The following CFAP251 variants were observed in gnomAD, a reference collection of about 807,000 sequenced individuals.
CFAP251 encodes cilia and flagella associated protein 251.
Under a neutral mutation model 126.7 loss-of-function variants are expected in CFAP251, and 93 were observed. That is an observed-to-expected ratio of 0.73 (90% CI 0.62 to 0.87). CFAP251 has a LOEUF of 0.87. Among genes scored for constraint, CFAP251 ranks in the 40% least tolerant of loss-of-function variants. The pLI, the probability that CFAP251 is intolerant of heterozygous loss-of-function variation, is 0.00. For missense variants in CFAP251, 1,287 were observed against 1,389.2 expected (o/e 0.93, Z 1.17); for synonymous variants, 503 against 506.9 (o/e 0.99, Z 0.10).
chr12:121,972,777 C>T (rs569177059), intron 17 of CFAP251, among the ~76,000 whole-genome samples: 147 of 152,306 alleles, frequency 9.7e-4, no homozygotes, highest in African/African-American at 3.3e-3. Flanking sequence ...CATGAGCTAC[C>T]GCGCCTGGCC....
Position 122,001,577 on chromosome 12 carries a change from C to A in CFAP251, c.3316C>A (p.Pro1106Thr), listed in dbSNP as rs201822352. ...GLNPEGWKSE[P>T]ATCSVKGSEI... The stretch of plus-strand genomic sequence containing the variant: ...GAATCCCGAGGGATGGAAATCCGAG[C>A]CTGCAACCTGCTCCGTCAAAGGTAC... The change falls in exon 21 of 22, where the codon CCT (proline) becomes ACT (threonine). Residue 1106 changes from proline to threonine, a missense_variant. Physicochemically the swap from Pro to Thr is conservative, Grantham distance 38. Coordinates refer to ENST00000288912, the MANE Select transcript of CFAP251 (RefSeq NM_144668.6). 368 of 1,614,074 alleles carry A rather than the reference C, an allele frequency of 2.3e-4. 2 individuals are homozygous for A. Among genetic ancestry groups the A allele is most frequent in the South Asian group, 3.3e-4 (30 of 91,072 alleles).
chr12:121,960,673 G>A lies in CFAP251; in HGVS notation c.2222G>A (p.Arg741His), dbSNP rs768131527. 9 of 1,614,096 alleles carry A rather than the reference G, an allele frequency of 5.6e-6. No individual in the cohort carries two copies. The highest frequency in any genetic ancestry group is 2.2e-5 in the East Asian group (1 of 44,886). Residue 741 changes from arginine to histidine, a missense_variant, in exon 14 of 22, where the codon CGC (arginine) becomes CAC (histidine). Arg to His is a conservative substitution (Grantham distance 29). Transcript: ENST00000288912. ...WEYLARLRSH[R>H]KSIRSLLFGV... The stretch of plus-strand genomic sequence containing the variant: ...TACTTAGCAAGACTTCGCTCTCATC[G>A]CAAAAGCATTCGAAGTCTCCTGTTT...
intron 5 of CFAP251, among the ~76,000 whole-genome samples, chr12:121,940,521 G>A (rs962967677): frequency 2.0e-5 from 3 of 152,028 alleles, no homozygotes; most frequent in African/African-American, 7.2e-5. Flanking sequence ...ACTGTATCTA[G>A]GACTCCATAA....
At chr12:121,975,800 A>C (rs1346116435) in intron 19 of CFAP251, 115 bp downstream of exon 19, 1 of 1,135,388 alleles carries the variant, frequency 8.8e-7, no homozygotes, top group African/African-American at 1.6e-5. Flanking sequence ...GCATAAATGG[A>C]TCAGAAAGAT....
At chr12:121,940,471 C>T (rs1881064699) in intron 5 of CFAP251, among the ~76,000 whole-genome samples, 1 of 152,122 alleles carries the variant, frequency 6.6e-6, no homozygotes. Flanking sequence ...AGTTGGGACC[C>T]TAGCGTGACA....
chr12:121,994,349 C>G (rs1234268091), intron 19 of CFAP251, among the ~76,000 whole-genome samples: 1 of 66,714 alleles, frequency 1.5e-5, no homozygotes, highest in Non-Finnish European at 3.2e-5. Flanking sequence ...GTCAGCCCCC[C>G]TGCCCGGCCA....
At chr12:121,961,166 A>T (rs1881921046) in intron 14 of CFAP251, among the ~76,000 whole-genome samples, 1 of 152,128 alleles carries the variant, frequency 6.6e-6, no homozygotes, top group African/African-American at 2.4e-5. Context: ...AAAGGTAGGG[A>T]TGGGCAAACG....
At chr12:121,975,750 C>T in intron 19 of CFAP251, 65 bp downstream of exon 19, 7 of 1,501,302 alleles carry the variant, frequency 4.7e-6, no homozygotes, top group Non-Finnish European at 6.2e-6. Context: ...CCTCTGGGAA[C>T]AATCATTATA....
At chr12:121,979,991 G>A (rs757291267) in intron 19 of CFAP251, among the ~76,000 whole-genome samples, 1 of 152,192 alleles carries the variant, frequency 6.6e-6, no homozygotes, top group Non-Finnish European at 1.5e-5. Flanking sequence ...CATCCATGTC[G>A]CTGGGAAGGG....
intron 19 of CFAP251, among the ~76,000 whole-genome samples, chr12:121,986,705 A>C (rs1882757623): frequency 6.6e-6 from 1 of 150,720 alleles, no homozygotes; most frequent in African/African-American, 2.4e-5. Context: ...TCAAGGCTGC[A>C]GTGAGCCATG....
chr12:121,956,617 TC>T (rs1881736226), intron 10 of CFAP251, among the ~76,000 whole-genome samples: 1 of 152,166 alleles, frequency 6.6e-6, no homozygotes, highest in South Asian at 2.1e-4. Flanking sequence ...TGCCTCAGCC[TC>T]CCGAGTAGCT....
At chr12:121,979,774 C>T (rs764872609) in intron 19 of CFAP251, among the ~76,000 whole-genome samples, 2 of 152,016 alleles carry the variant, frequency 1.3e-5, no homozygotes, top group African/African-American at 2.4e-5. Flanking sequence ...CCATGTTGGC[C>T]AGGCTGGTCT....
chr12:121,930,118 GTTAGCCCTTT>G (rs1880620754), intron 3 of CFAP251, among the ~76,000 whole-genome samples: 9 of 151,544 alleles, frequency 5.9e-5, no homozygotes, highest in Middle Eastern at 3.4e-3. Flanking sequence ...TTTGTGGCTT[GTTAGCCCTTT>G]TTTTTTCCTC....
At chr12:121,968,433 T>C (rs1357002126) in intron 17 of CFAP251, among the ~76,000 whole-genome samples, 5 of 152,174 alleles carry the variant, frequency 3.3e-5, no homozygotes, top group Non-Finnish European at 7.4e-5. Context: ...CTTCTCCCTC[T>C]GCTCCACATA....
intron 21 of CFAP251, 55 bp downstream of exon 21, chr12:122,001,653 G>C: frequency 7.4e-7 from 1 of 1,356,120 alleles, no homozygotes; most frequent in South Asian, 1.2e-5. Flanking sequence ...ATTTGTTGTA[G>C]ACTTCAGTAC....
rs1555215326 is a variant in CFAP251 at position 121,921,501 on chromosome 12, G to GA, written c.196_197insA (p.Gly66GlufsTer13). On this transcript the variant is annotated frameshift_variant, in exon 2 of 22. Transcript: ENST00000288912. LOFTEE classifies it high-confidence loss of function. Reference sequence around the variant, plus strand: ...GGGCGAGGAGGAAGGGGAGGAGGAGGGGAAGGAGGACAAAAAGATTGTCAT... The same window carrying GA: ...GGGCGAGGAGGAAGGGGAGGAGGAGGAGGAAGGAGGACAAAAAGATTGTCAT... The GA allele has an allele frequency of 6.2e-7, 1 of 1,613,368 alleles. No homozygotes were observed.
At chr12:121,971,674 C>T in intron 17 of CFAP251, 1 of 701,698 alleles carries the variant, frequency 1.4e-6, no homozygotes, top group East Asian at 2.7e-5. Flanking sequence ...GATTCACAGC[C>T]AGGGCTTTCT....
In CFAP251 at chr12:121,921,532, A is replaced by G. The variant is rs890652401; in HGVS notation, c.227A>G (p.Glu76Gly). Residue 76 changes from glutamate (E) to glycine (G), a missense_variant, in exon 2 of 22, where the codon GAA becomes GGA. Physicochemically the swap from Glu to Gly is moderately conservative, Grantham distance 98 (BLOSUM62 -2). Coordinates refer to ENST00000288912, the MANE Select transcript of CFAP251 (RefSeq NM_144668.6). Reference sequence around the variant, plus strand: ...GAGGACAAAAAGATTGTCATGGAAGAAACTGAGGAAAAGGCTGGAGAAGTC... The same window carrying G: ...GAGGACAAAAAGATTGTCATGGAAGGAACTGAGGAAAAGGCTGGAGAAGTC... ...GKEDKKIVMEETEEKAGEVQE... is the reference protein window; with the variant it reads ...GKEDKKIVMEGTEEKAGEVQE... 2 of 1,613,958 alleles carry G rather than the reference A, an allele frequency of 1.2e-6. No individual in the cohort carries two copies.
At chr12:121,977,890 C>T (rs1227207959) in intron 19 of CFAP251, among the ~76,000 whole-genome samples, 15 of 150,542 alleles carry the variant, frequency 1.0e-4, no homozygotes, top group South Asian at 2.1e-4. Flanking sequence ...ACCCGGGAGG[C>T]GGAGCTTGTA....
Sources: allele counts gnomAD v4.1 joint callset (sites outside exome capture counted in the v4.1 genomes callset), GRCh38; gene constraint gnomAD v4.1.1; transcripts MANE v1.5; gene names NCBI Gene and HGNC (gene_info 2026-07-23, HGNC 2026-07-21).